Variants in GALNT17 observed in about 807,000 individuals in gnomAD.
GALNT17 encodes the protein polypeptide N-acetylgalactosaminyltransferase 17, also known as UDP-GalNAc:polypeptide N-acetylgalactosaminyltransferase-like 3.
A neutral mutation model predicts 63.7 loss-of-function variants in GALNT17; 29 were observed. That is an observed-to-expected ratio of 0.46 (90% CI 0.34 to 0.62). GALNT17 has a LOEUF of 0.62. Among genes scored for constraint, GALNT17 ranks in the 20% least tolerant of loss-of-function variants. The pLI, the probability that GALNT17 is intolerant of heterozygous loss-of-function variation, is 0.01. For synonymous variants in GALNT17, 305 were observed against 318.3 expected, an observed-to-expected ratio of 0.96 and a Z score of 0.45; for missense variants, 603 against 799.6, an observed-to-expected ratio of 0.75 and a Z score of 2.97.
intron 3 of GALNT17, among the ~76,000 whole-genome samples, chr7:71,413,918 A>T (rs1793477564): frequency 6.6e-6 from 1 of 151,826 alleles, no homozygotes; most frequent in Admixed American, 6.6e-5. Flanking sequence ...AATGGTGTCT[A>T]CTGCTATACA....
chr7:71,419,135 G>T (rs1005050422), intron 4 of GALNT17, among the ~76,000 whole-genome samples: 1 of 152,192 alleles, frequency 6.6e-6, no homozygotes, highest in African/African-American at 2.4e-5. Context: ...TCCATACTCA[G>T]TGACTCTTTC....
At chr7:71,428,383 A>T (rs1786799099) in intron 5 of GALNT17, among the ~76,000 whole-genome samples, 1 of 151,418 alleles carries the variant, frequency 6.6e-6, no homozygotes, top group African/African-American at 2.4e-5. Context: ...TTATTAGCAT[A>T]CAGTTTATGA....
chr7:71,296,200 C>G (rs1791076447), intron 1 of GALNT17, among the ~76,000 whole-genome samples: 1 of 152,096 alleles, frequency 6.6e-6, no homozygotes, highest in South Asian at 2.1e-4. Flanking sequence ...GTTCTTGATC[C>G]TATCTATCTC....
At chr7:71,492,766 G>A (rs1202635632) in intron 5 of GALNT17, among the ~76,000 whole-genome samples, 1 of 152,192 alleles carries the variant, frequency 6.6e-6, no homozygotes, top group Non-Finnish European at 1.5e-5. Flanking sequence ...AGTGTTTGAC[G>A]TATCGCTGTT....
intron 2 of GALNT17, among the ~76,000 whole-genome samples, chr7:71,372,198 G>T (rs549562028): frequency 2.1e-4 from 32 of 151,928 alleles, no homozygotes; most frequent in Admixed American, 3.9e-4. Context: ...TCGCTCTGTT[G>T]CCCAGGCCCA....
chr7:71,169,807 T>A (rs1788511937), intron 1 of GALNT17, among the ~76,000 whole-genome samples: 1 of 151,640 alleles, frequency 6.6e-6, no homozygotes, highest in Non-Finnish European at 1.5e-5. Context: ...AAGCCCACCT[T>A]GGCCTTCTGA....
chr7:71,626,354 CT>C (rs1790375895), intron 6 of GALNT17, among the ~76,000 whole-genome samples: 1 of 152,202 alleles, frequency 6.6e-6, no homozygotes, highest in African/African-American at 2.4e-5. Flanking sequence ...GTAACCACCC[CT>C]GTGGATACCT....
intron 5 of GALNT17, among the ~76,000 whole-genome samples, chr7:71,551,001 C>T (rs181926745): frequency 3.0e-4 from 46 of 152,016 alleles, no homozygotes; most frequent in Non-Finnish European, 6.2e-4. Flanking sequence ...GTGTTCATTT[C>T]CTTCCTCAAT....
intron 2 of GALNT17, among the ~76,000 whole-genome samples, chr7:71,340,916 T>A (rs1376248868): frequency 6.6e-6 from 1 of 152,100 alleles, no homozygotes; most frequent in Non-Finnish European, 1.5e-5. Context: ...TGCATGCTTG[T>A]AATTCCAGCT....
chr7:71,394,267 A>T (rs1485514756), intron 3 of GALNT17, among the ~76,000 whole-genome samples: 1 of 152,044 alleles, frequency 6.6e-6, no homozygotes, highest in Non-Finnish European at 1.5e-5. Flanking sequence ...TAACAGTCTG[A>T]TTTCATGGGA....
At chr7:71,175,163 C>T (rs377226386) in intron 1 of GALNT17, among the ~76,000 whole-genome samples, 10 of 134,574 alleles carry the variant, frequency 7.4e-5, no homozygotes, top group African/African-American at 3.5e-4. Context: ...TTTCTTTCTT[C>T]CTTTCTTCCT....
chr7:71,377,114 A>ATATATATATATATATATATATAT (rs1554362120), intron 2 of GALNT17, among the ~76,000 whole-genome samples: 3 of 57,480 alleles, frequency 5.2e-5, no homozygotes, highest in Non-Finnish European at 9.0e-5. Flanking sequence ...AAATAAAAAA[A>ATATATATATATATATATATATAT]ATATATATAT....
At chr7:71,369,628 T>C (rs2057875) in intron 2 of GALNT17, among the ~76,000 whole-genome samples, 6,683 of 151,492 alleles carry the variant, frequency 0.044, 511 homozygotes, top group African/African-American at 0.15. Context: ...GCCTGGCCAA[T>C]ATGGAGAAAC....
At chr7:71,418,680 G>A (rs1292842879) in intron 4 of GALNT17, among the ~76,000 whole-genome samples, 3 of 152,224 alleles carry the variant, frequency 2.0e-5, no homozygotes, top group Admixed American at 6.5e-5. Flanking sequence ...GGGAAGGAGT[G>A]TGCTTCTCTA....
At chr7:71,248,975 G>C (rs1790148945) in intron 1 of GALNT17, among the ~76,000 whole-genome samples, 1 of 23,090 alleles carries the variant, frequency 4.3e-5, no homozygotes, top group East Asian at 0.17. Flanking sequence ...AAATAGAGGT[G>C]ATGTTATGCT....
intron 2 of GALNT17, among the ~76,000 whole-genome samples, chr7:71,346,470 A>C (rs1360137546): frequency 6.6e-6 from 1 of 151,986 alleles, no homozygotes; most frequent in African/African-American, 2.4e-5. Flanking sequence ...CTGCTCTCTG[A>C]AATAGCTATT....
intron 2 of GALNT17, among the ~76,000 whole-genome samples, chr7:71,374,913 C>T (rs1413274383): frequency 6.8e-6 from 1 of 148,072 alleles, no homozygotes; most frequent in Non-Finnish European, 1.5e-5. Context: ...AATCTTGGCT[C>T]ACCGCAAACT....
At chr7:71,509,438 G>C (rs1289010491) in intron 5 of GALNT17, among the ~76,000 whole-genome samples, 1 of 152,206 alleles carries the variant, frequency 6.6e-6, no homozygotes, top group African/African-American at 2.4e-5. Flanking sequence ...CCCTATCTCT[G>C]TTAATACTTG....
intron 2 of GALNT17, among the ~76,000 whole-genome samples, chr7:71,367,170 A>C (rs1792527884): frequency 6.6e-6 from 1 of 152,176 alleles, no homozygotes; most frequent in African/African-American, 2.4e-5. Flanking sequence ...GTCTCTTGTA[A>C]AACCACTGCC....
Sources: gnomAD v4.1 joint callset for allele counts (sites outside exome capture counted in the v4.1 genomes callset) on GRCh38, gnomAD v4.1.1 for gene constraint, MANE v1.5 for transcripts, NCBI Gene and HGNC (gene_info 2026-07-23, HGNC 2026-07-21) for gene names.